Variants in STARD10 observed in about 807,000 individuals in gnomAD.
STARD10 encodes StAR related lipid transfer domain containing 10.
STARD10 carries 24 observed loss-of-function variants against 36.0 expected under a neutral mutation model. That is an observed-to-expected ratio of 0.67 (90% CI 0.48 to 0.94). STARD10 has a LOEUF of 0.94. Among genes scored for constraint, STARD10 ranks in the 40% least tolerant of loss-of-function variants. The pLI, the probability that STARD10 is intolerant of heterozygous loss-of-function variation, is 0.00. For missense variants in STARD10, 335 were observed against 396.6 expected, an observed-to-expected ratio of 0.84 and a Z score of 1.32; for synonymous variants, 156 against 161.9, an observed-to-expected ratio of 0.96 and a Z score of 0.28.
At position 72,755,372 on chromosome 11, in the gene STARD10, A is replaced by G. The variant is rs190324994; in HGVS notation, c.631-230T>C. On this transcript the variant is annotated intron_variant, in intron 6 of 6. Transcript: ENST00000334805. Reference sequence around the variant, plus strand: ...GTGGCCCAGGCTGGAGTGCAGTGGCATGATATCGGCTCACTGCAACCTCTG... The same window carrying G: ...GTGGCCCAGGCTGGAGTGCAGTGGCGTGATATCGGCTCACTGCAACCTCTG... 8.9e-6 allele frequency: 5 copies of G among 563,690 alleles called. No individual in the cohort carries two copies. The Admixed American group carries it at 1.4e-4, about 15-fold the overall frequency. The allele number at this position is 563,690 out of a possible 1,614,324, so 34.9% of individuals were successfully genotyped here.
At chr11:72,761,537 A>G (rs1858716435) in intron 2 of STARD10, among the ~76,000 whole-genome samples, 1 of 152,150 alleles carries the variant, frequency 6.6e-6, no homozygotes, top group Admixed American at 6.6e-5. Context: ...CGGGCAGATC[A>G]CTTGGGGTCA....
chr11:72,772,146 T>C (rs763234569), intron 2 of STARD10, among the ~76,000 whole-genome samples: 1 of 152,036 alleles, frequency 6.6e-6, no homozygotes, highest in Non-Finnish European at 1.5e-5. Flanking sequence ...GGCACTGCCA[T>C]AGTGGGCATG....
At chr11:72,782,068 CAAG>C (rs1298175053) in intron 1 of STARD10, among the ~76,000 whole-genome samples, 1 of 152,202 alleles carries the variant, frequency 6.6e-6, no homozygotes, top group Non-Finnish European at 1.5e-5. Context: ...CCACGAGGTG[CAAG>C]AAGAGGAATT....
intron 2 of STARD10, among the ~76,000 whole-genome samples, chr11:72,763,092 T>C (rs1858741887): frequency 6.6e-6 from 1 of 152,054 alleles, no homozygotes; most frequent in East Asian, 1.9e-4. Context: ...ACCGAGGACT[T>C]CCCCAGTTTT....
chr11:72,772,061 C>T (rs1858865985), intron 2 of STARD10, among the ~76,000 whole-genome samples: 1 of 152,244 alleles, frequency 6.6e-6, no homozygotes, highest in Admixed American at 6.5e-5. Flanking sequence ...GAGCACCACA[C>T]CCTGGGCAGC....
chr11:72,765,038 C>A (rs1222020213), intron 2 of STARD10, among the ~76,000 whole-genome samples: 1 of 152,158 alleles, frequency 6.6e-6, no homozygotes, highest in African/African-American at 2.4e-5. Context: ...GAGGCCGAGG[C>A]GGGCAGATCA....
At chr11:72,757,936 T>C in intron 4 of STARD10, 52 bp from the exon 5 acceptor site, 1 of 1,543,076 alleles carries the variant, frequency 6.5e-7, no homozygotes. Context: ...GCAAAGAAGA[T>C]GTTTTTGTGA....
chr11:72,764,588 G>A (rs1263881672), intron 2 of STARD10, among the ~76,000 whole-genome samples: 1 of 152,210 alleles, frequency 6.6e-6, no homozygotes, highest in Non-Finnish European at 1.5e-5. Flanking sequence ...CCTTTCCATA[G>A]CCCCCAGCAG....
At chr11:72,787,784 G>A (rs898627063) in intron 1 of STARD10, among the ~76,000 whole-genome samples, 3 of 152,242 alleles carry the variant, frequency 2.0e-5, no homozygotes, top group Non-Finnish European at 4.4e-5. Flanking sequence ...GGACAAGGTT[G>A]TCTAGGCCTT....
chr11:72,768,294 C>T (rs886436548), intron 2 of STARD10, among the ~76,000 whole-genome samples: 6 of 152,172 alleles, frequency 3.9e-5, no homozygotes, highest in African/African-American at 1.2e-4. Flanking sequence ...GACCCACACA[C>T]CAGCTGCTGG....
chr11:72,758,223 C>T (rs549628149), intron 4 of STARD10, among the ~76,000 whole-genome samples: 2 of 152,346 alleles, frequency 1.3e-5, no homozygotes, highest in African/African-American at 4.8e-5. Context: ...GGTGGCTTAG[C>T]CTCAGGGAGG....
At chr11:72,776,563 C>T (rs1179714698) in intron 2 of STARD10, among the ~76,000 whole-genome samples, 1 of 152,158 alleles carries the variant, frequency 6.6e-6, no homozygotes, top group Non-Finnish European at 1.5e-5. Flanking sequence ...GTGGCGAGAT[C>T]TCAGCCTTGG....
intron 2 of STARD10, among the ~76,000 whole-genome samples, chr11:72,764,377 G>A (rs562200644): frequency 3.3e-5 from 5 of 152,378 alleles, no homozygotes; most frequent in East Asian, 1.9e-4. Context: ...GTTGCTCAGC[G>A]TAAACTCTGA....
intron 1 of STARD10, among the ~76,000 whole-genome samples, chr11:72,789,783 AG>A (rs555672180): frequency 1.4e-3 from 217 of 152,338 alleles, no homozygotes; most frequent in African/African-American, 5.0e-3. Context: ...GGCCTGCAGC[AG>A]GCTCAGCTTC....
chr11:72,755,519 C>G (rs1306720675), intron 6 of STARD10, 182 bp downstream of exon 6: 1 of 702,364 alleles, frequency 1.4e-6, no homozygotes, highest in Non-Finnish European at 2.5e-6. Context: ...CCATGTTGGC[C>G]AGGCTGGTCT....
intron 2 of STARD10, among the ~76,000 whole-genome samples, chr11:72,771,780 G>T (rs1490105396): frequency 6.6e-6 from 1 of 152,136 alleles, no homozygotes; most frequent in Non-Finnish European, 1.5e-5. Context: ...CTCCTGCCCT[G>T]TACCTCTCCA....
rs1376697037 is a variant in STARD10, at chr11:72,755,002, C to T, written c.771G>A (p.Ala257=). The change falls in exon 7 of 7, where the codon GCG becomes GCA. Residue 257 remains alanine (A), a synonymous_variant. Transcript: ENST00000334805. ...LALSELSVQH[A]DSLENIDESA... Reference sequence around the variant, plus strand: ...TCTCGTCGATGTTCTCCAGTGAGTCCGCATGCTGCACCGACAGCTCCGACA... The same window carrying T: ...TCTCGTCGATGTTCTCCAGTGAGTCTGCATGCTGCACCGACAGCTCCGACA... The T allele has an allele frequency of 3.1e-6, 5 of 1,612,860 alleles. No individual in the cohort carries two copies. Among genetic ancestry groups the T allele is most frequent in the Non-Finnish European group, 2.5e-6 (3 of 1,179,718 alleles).
At chr11:72,767,243 C>T (rs1046239558) in intron 2 of STARD10, among the ~76,000 whole-genome samples, 1 of 152,166 alleles carries the variant, frequency 6.6e-6, no homozygotes, top group Admixed American at 6.5e-5. Context: ...CCATTCAGCA[C>T]CCCGCAAAGG....
intron 2 of STARD10, among the ~76,000 whole-genome samples, chr11:72,777,956 G>C (rs1346066338): frequency 1.3e-5 from 2 of 152,174 alleles, no homozygotes; most frequent in African/African-American, 2.4e-5. Flanking sequence ...GAGGGGGAAA[G>C]GGGGGCAGAA....
Sources: allele counts gnomAD v4.1 joint callset (sites outside exome capture counted in the v4.1 genomes callset), GRCh38; gene constraint gnomAD v4.1.1; transcripts MANE v1.5; gene names NCBI Gene and HGNC (gene_info 2026-07-23, HGNC 2026-07-21).